Variants in KLHL1 observed in about 807,000 individuals in gnomAD.
KLHL1 encodes kelch-like protein 1.
A neutral mutation model predicts 77.7 loss-of-function variants in KLHL1; 47 were observed. The ratio of observed to expected loss-of-function variants is 0.60; its 90% CI spans 0.48 to 0.77. KLHL1 has a LOEUF of 0.77. Among genes scored for constraint, KLHL1 ranks in the 30% least tolerant of loss-of-function variants. The probability of loss-of-function intolerance (pLI) is 0.00; values close to 1 mark genes in which losing one functional copy is unlikely to be tolerated. For synonymous variants in KLHL1, 360 were observed against 325.2 expected, an observed-to-expected ratio of 1.11 and a Z score of -1.15; for missense variants, 925 against 910.8, an observed-to-expected ratio of 1.02 and a Z score of -0.20.
intron 4 of KLHL1, among the ~76,000 whole-genome samples, chr13:69,927,326 C>A (rs1476871871): frequency 6.6e-6 from 1 of 152,106 alleles, no homozygotes; most frequent in Non-Finnish European, 1.5e-5. Flanking sequence ...ATGTGGGAAT[C>A]TTTGTGACCT....
intron 7 of KLHL1, among the ~76,000 whole-genome samples, chr13:69,765,725 G>A (rs78510424): frequency 0.011 from 1,689 of 152,226 alleles, 30 homozygotes; most frequent in African/African-American, 0.039. Flanking sequence ...CCAGAGCAGA[G>A]GTATACTTTG....
chr13:70,082,311 TCACACACACA>T (rs4053611), intron 1 of KLHL1, among the ~76,000 whole-genome samples: 7,135 of 110,978 alleles, frequency 0.064, 267 homozygotes, highest in African/African-American at 0.074. Flanking sequence ...CTTGGACCTG[TCACACACACA>T]CACACACACA....
chr13:69,890,646 G>GCA (rs146517627), intron 4 of KLHL1, among the ~76,000 whole-genome samples: 17,332 of 146,598 alleles, frequency 0.12, 1,320 homozygotes, highest in African/African-American at 0.22. Flanking sequence ...ACACACACAC[G>GCA]CACACACACA....
At chr13:69,869,346 T>A (rs1880494537) in intron 5 of KLHL1, among the ~76,000 whole-genome samples, 3 of 152,104 alleles carry the variant, frequency 2.0e-5, no homozygotes. Context: ...ATTTAATATG[T>A]GCACTATTTT....
rs1381824250 is a variant in KLHL1 at position 70,075,565 on chromosome 13, A to ATGTGTG, written c.497+31637_497+31638insCACACA. Among the ~76,000 whole-genome samples, 2 of 132,052 alleles carry ATGTGTG rather than the reference A, an allele frequency of 1.5e-5. 1 individual carries two copies. Among genetic ancestry groups the ATGTGTG allele is most frequent in the African/African-American group, 5.7e-5 (2 of 35,120 alleles). The allele number at this position is 132,052 out of a possible 152,430, so 86.6% of individuals were successfully genotyped here. On this transcript the variant is annotated intron_variant, in intron 1 of 10. Coordinates refer to ENST00000377844, the MANE Select transcript of KLHL1 (RefSeq NM_020866.3). ...CATATATATATACCTGTGTGTGTGT[A>ATGTGTG]TGTGTATATATATATATATATATAC...
At chr13:69,939,395 A>C (rs1383174182) in intron 4 of KLHL1, among the ~76,000 whole-genome samples, 1 of 139,854 alleles carries the variant, frequency 7.2e-6, no homozygotes, top group African/African-American at 2.8e-5. Flanking sequence ...ACACACGCAC[A>C]CACATACAGG....
chr13:69,746,798 T>C (rs1219463160), intron 7 of KLHL1, among the ~76,000 whole-genome samples: 2 of 152,018 alleles, frequency 1.3e-5, no homozygotes, highest in Non-Finnish European at 2.9e-5. Context: ...CAAGATTTAC[T>C]AATAATAGCA....
intron 6 of KLHL1, among the ~76,000 whole-genome samples, chr13:69,812,277 A>G (rs1356136210): frequency 2.0e-5 from 3 of 152,128 alleles, no homozygotes; most frequent in African/African-American, 4.8e-5. Context: ...ACAGTTTGTT[A>G]TAATTTCTGT....
intron 7 of KLHL1, among the ~76,000 whole-genome samples, chr13:69,786,154 G>A (rs373415280): frequency 6.6e-6 from 1 of 152,050 alleles, no homozygotes; most frequent in African/African-American, 2.4e-5. Context: ...CTAACTCATT[G>A]TATGAGGCCA....
intron 2 of KLHL1, among the ~76,000 whole-genome samples, chr13:69,971,616 A>G (rs1033344748): frequency 1.3e-5 from 2 of 151,874 alleles, no homozygotes; most frequent in Admixed American, 6.6e-5. Context: ...CTCACACTCA[A>G]TTTCTCTGAA....
At chr13:69,817,643 T>C (rs1419126189) in intron 6 of KLHL1, among the ~76,000 whole-genome samples, 1 of 152,224 alleles carries the variant, frequency 6.6e-6, no homozygotes, top group East Asian at 1.9e-4. Flanking sequence ...AGCCACACAC[T>C]GGAGAATTAA....
intron 3 of KLHL1, among the ~76,000 whole-genome samples, chr13:69,957,740 AAC>A (rs1310822016): frequency 1.3e-5 from 2 of 151,860 alleles, no homozygotes; most frequent in Admixed American, 6.6e-5. Context: ...ACTACTTTAT[AAC>A]ACACTCTCTT....
At chr13:69,858,992 C>G (rs115788318) in intron 5 of KLHL1, among the ~76,000 whole-genome samples, 1,906 of 152,126 alleles carry the variant, frequency 0.013, 40 homozygotes, top group African/African-American at 0.044. Flanking sequence ...ATATACGTGT[C>G]CATCCAAACT....
intron 1 of KLHL1, among the ~76,000 whole-genome samples, chr13:69,989,706 T>A (rs186404434): frequency 2.6e-4 from 39 of 152,140 alleles, no homozygotes; most frequent in African/African-American, 9.1e-4. Context: ...CTAGGTATTT[T>A]ATTTTATTTT....
At chr13:70,003,473 T>C (rs1366827642) in intron 1 of KLHL1, among the ~76,000 whole-genome samples, 2 of 151,668 alleles carry the variant, frequency 1.3e-5, no homozygotes, top group East Asian at 3.9e-4. Flanking sequence ...TCATGAAATA[T>C]TTGTAAGAGA....
intron 4 of KLHL1, among the ~76,000 whole-genome samples, chr13:69,936,995 C>T (rs1883207055): frequency 6.6e-6 from 1 of 152,138 alleles, no homozygotes; most frequent in Non-Finnish European, 1.5e-5. Context: ...TCTCTTCCAG[C>T]TTTCATATCT....
At chr13:70,074,675 C>A (rs992379034) in intron 1 of KLHL1, among the ~76,000 whole-genome samples, 5 of 151,784 alleles carry the variant, frequency 3.3e-5, no homozygotes, top group South Asian at 4.1e-4. Context: ...CATTTTCCAA[C>A]ACCCAACTTT....
intron 3 of KLHL1, among the ~76,000 whole-genome samples, chr13:69,944,165 A>C (rs1247197475): frequency 6.6e-6 from 1 of 152,224 alleles, no homozygotes; most frequent in African/African-American, 2.4e-5. Context: ...AATATGGTAT[A>C]TGAGCAACAC....
intron 1 of KLHL1, among the ~76,000 whole-genome samples, chr13:70,094,149 C>G (rs1220978471): frequency 6.6e-6 from 1 of 151,810 alleles, no homozygotes; most frequent in Admixed American, 6.6e-5. Flanking sequence ...AAGAGTTAGT[C>G]TTAAAGCATC....
Sources: allele counts gnomAD v4.1 joint callset (sites outside exome capture counted in the v4.1 genomes callset), GRCh38; gene constraint gnomAD v4.1.1; transcripts MANE v1.5; gene names NCBI Gene and HGNC (gene_info 2026-07-23, HGNC 2026-07-21).